Variants in ZBTB37 observed in about 807,000 individuals in gnomAD.
The protein encoded by ZBTB37 is zinc finger and BTB domain containing 37.
A neutral mutation model predicts 37.7 loss-of-function variants in ZBTB37; 15 were observed. The observed-to-expected ratio is 0.40, with a 90% CI of 0.27 to 0.61. The LOEUF (loss-of-function observed/expected upper bound fraction) is 0.61. Ranked by LOEUF, ZBTB37 falls within the 20% of genes least tolerant of loss-of-function variation. The probability of loss-of-function intolerance (pLI) is 0.44; values close to 1 mark genes in which losing one functional copy is unlikely to be tolerated. For synonymous variants in ZBTB37, 231 were observed against 220.6 expected (o/e 1.05, Z -0.42); for missense variants, 514 against 641.9 (o/e 0.80, Z 2.15).
At chr1:173,893,055 AC>A (rs1656905746) in exon 4 of ZBTB37, 1 of 152,184 alleles carries the variant, frequency 6.6e-6, no homozygotes, top group Admixed American at 6.5e-5. Context: ...GGCGTGTGCC[AC>A]CATGCCCAGC....
chr1:173,896,227 TTA>T (rs1429183421), exon 4 of ZBTB37: 2 of 152,188 alleles, frequency 1.3e-5, no homozygotes, highest in African/African-American at 2.4e-5. Flanking sequence ...TTAGGGCAAA[TTA>T]TTTTTTTTTC....
At chr1:173,872,369 G>A (rs1166366686) in intron 3 of ZBTB37, among the ~76,000 whole-genome samples, 2 of 151,548 alleles carry the variant, frequency 1.3e-5, no homozygotes, top group Non-Finnish European at 2.9e-5. Flanking sequence ...CACTGCGCCC[G>A]GCCTTATTTT....
At chr1:173,881,705 G>A (rs1295524803) in intron 4 of ZBTB37, among the ~76,000 whole-genome samples, 2 of 152,158 alleles carry the variant, frequency 1.3e-5, no homozygotes, top group Non-Finnish European at 2.9e-5. Context: ...CTGATGGCCA[G>A]TGATGGTGAG....
Position 173,883,308 on chromosome 1 carries a change from A to T in ZBTB37, c.1024-2328A>T, listed in dbSNP as rs111308440. Among the ~76,000 whole-genome samples the T allele has an allele frequency of 3.9e-5, 6 of 152,248 alleles. 1 individual carries two copies. Among genetic ancestry groups the T allele is most frequent in the African/African-American group, 1.4e-4 (6 of 41,530 alleles). On this transcript the variant is annotated intron_variant, in intron 4 of 4. Transcript: ENST00000427304. ...AGCCTGACCAACACAGAGAAACGCC[A>T]TCTCTACTGAAAATACAAAAAATTA...
chr1:173,876,112 T>A (rs1655952289), intron 4 of ZBTB37, among the ~76,000 whole-genome samples: 1 of 152,218 alleles, frequency 6.6e-6, no homozygotes, highest in African/African-American at 2.4e-5. Context: ...GCAACTAGTA[T>A]GAGTTTGCTC....
chr1:173,875,120 G>A (rs1417837365), intron 4 of ZBTB37, among the ~76,000 whole-genome samples: 1 of 16,072 alleles, frequency 6.2e-5, no homozygotes, highest in Non-Finnish European at 9.9e-5. Context: ...ATTATTATGT[G>A]TGTGTGTGTG....
exon 3 of ZBTB37, chr1:173,870,917 G>T (rs1038610346): frequency 6.2e-7 from 1 of 1,614,238 alleles, no homozygotes; most frequent in Non-Finnish European, 8.5e-7. Context: ...GACCGTGGGG[G>T]TCGGAGTGAT....
At position 173,875,330 on chromosome 1, in the gene ZBTB37, AT is replaced by A. The variant is rs1194584064; in HGVS notation, c.1023+1779del. On this transcript the variant is annotated intron_variant, in intron 4 of 4. Transcript: ENST00000427304. ...TATATATGTGTGCATATATATATAT[AT>A]TTTTTTTTTTTTTTGAGGCAGTCTT... Among the ~76,000 whole-genome samples the A allele has an allele frequency of 1.5e-3, 181 of 122,396 alleles. 3 individuals carry two copies. The highest frequency in any genetic ancestry group is 3.1e-3 in the African/African-American group (80 of 25,652). The allele number at this position is 122,396 out of a possible 152,430, so 80.3% of individuals were successfully genotyped here. A position where few individuals can be genotyped will look rare whatever the true frequency, so the allele number is the denominator to read the frequency against.
chr1:173,902,436 A>G (rs1657299396), exon 4 of ZBTB37: 1 of 152,256 alleles, frequency 6.6e-6, no homozygotes, highest in Non-Finnish European at 1.5e-5. Flanking sequence ...TCCCTTTGAA[A>G]AAAACTAATG....
intron 4 of ZBTB37, among the ~76,000 whole-genome samples, chr1:173,874,338 C>CT (rs371801992): frequency 0.058 from 8,230 of 141,220 alleles, 764 homozygotes; most frequent in African/African-American, 0.19. Flanking sequence ...TAGAAAACAT[C>CT]TTTTTTTTTT....
exon 4 of ZBTB37, chr1:173,901,970 C>T (rs1657277675): frequency 6.6e-6 from 1 of 152,238 alleles, no homozygotes; most frequent in Admixed American, 6.5e-5. Flanking sequence ...TGTGCCTTCA[C>T]ACTGGTCACT....
At chr1:173,869,466 A>G (rs1055702759) in intron 2 of ZBTB37, among the ~76,000 whole-genome samples, 3 of 152,220 alleles carry the variant, frequency 2.0e-5, no homozygotes, top group African/African-American at 7.2e-5. Flanking sequence ...CTGGAGAACT[A>G]AGTTTCAGGA....
At chr1:173,873,992 G>A (rs9425763) in intron 4 of ZBTB37, among the ~76,000 whole-genome samples, 3,782 of 152,060 alleles carry the variant, frequency 0.025, 70 homozygotes, top group African/African-American at 0.046. Flanking sequence ...GCAGTGGCTC[G>A]CGCCTGTAAT....
downstream of ZBTB37, chr1:173,888,340 A>G (rs1185711724): frequency 6.6e-6 from 1 of 152,244 alleles, no homozygotes; most frequent in African/African-American, 2.4e-5. Flanking sequence ...GCTGCTTTGG[A>G]TGGAGCCTTT....
intron 4 of ZBTB37, among the ~76,000 whole-genome samples, chr1:173,875,395 G>A (rs941177748): frequency 1.9e-4 from 28 of 145,906 alleles, no homozygotes; most frequent in African/African-American, 5.9e-4. Flanking sequence ...GTGTGATCTC[G>A]GCTCGCTGCA....
At chr1:173,879,900 G>A (rs959193114) in intron 4 of ZBTB37, among the ~76,000 whole-genome samples, 6 of 152,294 alleles carry the variant, frequency 3.9e-5, no homozygotes, top group South Asian at 4.1e-4. Context: ...GCAGTGAGCC[G>A]AGATGATGCT....
At chr1:173,892,380 GTCT>G (rs1360883089) in exon 4 of ZBTB37, 1 of 151,944 alleles carries the variant, frequency 6.6e-6, no homozygotes, top group Non-Finnish European at 1.5e-5. Flanking sequence ...CCTGTCTTTA[GTCT>G]TCTTCCTCTT....
exon 4 of ZBTB37, chr1:173,900,123 C>T (rs1462830735): frequency 6.6e-6 from 1 of 152,082 alleles, no homozygotes; most frequent in Non-Finnish European, 1.5e-5. Context: ...AGGAAGGATC[C>T]TGCCTGTGGT....
At chr1:173,872,189 C>T (rs937307262) in intron 3 of ZBTB37, among the ~76,000 whole-genome samples, 5 of 151,960 alleles carry the variant, frequency 3.3e-5, no homozygotes, top group Non-Finnish European at 7.4e-5. Flanking sequence ...CTGCCTCAGC[C>T]TCCCGAGTAG....
Sources: allele counts gnomAD v4.1 joint callset (sites outside exome capture counted in the v4.1 genomes callset), GRCh38; gene constraint gnomAD v4.1.1; transcripts MANE v1.5; gene names NCBI Gene and HGNC (gene_info 2026-07-23, HGNC 2026-07-21).